The following SMC2 variants were observed in gnomAD, a reference collection of about 807,000 sequenced individuals.
The protein encoded by SMC2 is structural maintenance of chromosomes protein 2.
SMC2 carries 41 observed loss-of-function variants against 142.6 expected under a neutral mutation model. That is an observed-to-expected ratio of 0.29 (90% CI 0.22 to 0.37). The LOEUF is 0.37. Among genes scored for constraint, SMC2 ranks in the 10% least tolerant of loss-of-function variants. The pLI is 1.00. For missense variants in SMC2, 1,265 were observed against 1,373.7 expected, an observed-to-expected ratio of 0.92 and a Z score of 1.25; for synonymous variants, 463 against 457.5, an observed-to-expected ratio of 1.01 and a Z score of -0.15.
At chr9:104,088,521 G>A in the SMC2 span, among the ~76,000 whole-genome samples, 54 of 152,006 alleles carry the variant, frequency 3.6e-4, no homozygotes, top group Admixed American at 3.5e-3. Flanking sequence ...AATACACAAG[G>A]GGGAGAAGTG....
At chr9:104,104,359 C>T (rs1365613225) in intron 9 of SMC2, among the ~76,000 whole-genome samples, 1 of 152,142 alleles carries the variant, frequency 6.6e-6, no homozygotes, top group Non-Finnish European at 1.5e-5. Flanking sequence ...GTCTAGGATT[C>T]ATTGCAAGCT....
intron 14 of SMC2, among the ~76,000 whole-genome samples, chr9:104,117,701 A>C (rs1233881480): frequency 6.6e-6 from 1 of 152,226 alleles, no homozygotes; most frequent in Non-Finnish European, 1.5e-5. Context: ...ATTTTCCAAA[A>C]TTCAAAACTA....
chr9:104,129,319 A>C (rs946233682), intron 20 of SMC2, among the ~76,000 whole-genome samples: 1 of 152,108 alleles, frequency 6.6e-6, no homozygotes, highest in Admixed American at 6.6e-5. Flanking sequence ...CCTGACCAAC[A>C]TGGAGAAACC....
chr9:104,089,605 G>T (rs1460978752), upstream of SMC2, among the ~76,000 whole-genome samples: 1 of 152,068 alleles, frequency 6.6e-6, no homozygotes, highest in East Asian at 1.9e-4. Flanking sequence ...AAAACAGAAA[G>T]AAACGAATAT....
In SMC2 at chr9:104,111,650, G is replaced by A. The variant is rs2131379894; in HGVS notation, c.1090G>A (p.Glu364Lys). The A allele has an allele frequency of 1.2e-6, 2 of 1,614,054 alleles. No homozygotes were observed. The highest frequency in any genetic ancestry group is 2.2e-5 in the South Asian group (2 of 91,088). Residue 364 changes from glutamate (E) to lysine (K), a missense_variant, in exon 10 of 25, where the codon GAA (glutamate) becomes AAA (lysine). Around this residue, in one of 4 missense-constraint regions of SMC2, gnomAD observed 898 missense variants for 904.2 expected, o/e 0.99. Coordinates refer to ENST00000374793, the MANE Select transcript of SMC2 (RefSeq NM_006444.3). ...AACAGATGGACTGCATGCCCTTCAA[G>A]AAGCAAGTAATAAAGATGCTGAAGC... is the stretch of plus-strand genomic sequence containing the variant. Reference protein sequence around the residue: ...KITDGLHALQEASNKDAEALA... With the variant: ...KITDGLHALQKASNKDAEALA...
In SMC2 at chr9:104,100,378, T is replaced by C. The variant is rs200101438; in HGVS notation, c.592-11T>C. ...TACATGCGAAAATACTGATTTTTCTTTATTTTCCAGATACTTGAAGAAGAG... is the reference window on the plus strand; with the variant it reads ...TACATGCGAAAATACTGATTTTTCTCTATTTTCCAGATACTTGAAGAAGAG... On this transcript the variant is annotated splice_polypyrimidine_tract_variant and intron_variant, in intron 6 of 24. Coordinates refer to ENST00000374793, the MANE Select transcript of SMC2 (RefSeq NM_006444.3). 5.3e-5 allele frequency: 81 copies of C among 1,522,784 alleles called. No homozygotes were observed. In the African/African-American group the frequency reaches 9.8e-4, roughly 18 times the overall value. The allele number at this position is 1,522,784 out of a possible 1,614,324, so 94.3% of individuals were successfully genotyped here.
At chr9:104,119,273 G>C (rs973769396) in intron 15 of SMC2, among the ~76,000 whole-genome samples, 43 of 152,318 alleles carry the variant, frequency 2.8e-4, no homozygotes, top group Non-Finnish European at 4.6e-4. Flanking sequence ...TGTTGATTCA[G>C]ATGCTTTTGA....
At chr9:104,121,770 A>G (rs558504681) in intron 16 of SMC2, among the ~76,000 whole-genome samples, 23 of 152,252 alleles carry the variant, frequency 1.5e-4, no homozygotes, top group South Asian at 6.2e-4. Context: ...AGAGATATAA[A>G]TTGAATCAGA....
intron 13 of SMC2, among the ~76,000 whole-genome samples, chr9:104,115,512 TTG>T (rs1564091532): frequency 2.0e-5 from 3 of 151,734 alleles, no homozygotes; most frequent in African/African-American, 7.3e-5. Flanking sequence ...GAAGTGGAGG[TTG>T]CGGTAAGCTG....
At chr9:104,099,552 C>A in intron 4 of SMC2, 92 bp from the exon 5 acceptor site, 1 of 810,618 alleles carries the variant, frequency 1.2e-6, no homozygotes, top group Non-Finnish European at 2.1e-6. Context: ...TATTGAGATA[C>A]AACAGCTTCA....
chr9:104,093,192 T>G (rs996702042), upstream of SMC2: 1 of 152,202 alleles, frequency 6.6e-6, no homozygotes, highest in Non-Finnish European at 1.5e-5. Context: ...ACCATCTTTT[T>G]GAACCTCACT....
intron 22 of SMC2, among the ~76,000 whole-genome samples, chr9:104,132,487 A>G (rs931079230): frequency 6.6e-6 from 1 of 152,110 alleles, no homozygotes; most frequent in African/African-American, 2.4e-5. Context: ...TCTGTCTCCT[A>G]TAGGATAATT....
chr9:104,088,355 A>G, the SMC2 span, among the ~76,000 whole-genome samples: 1 of 152,138 alleles, frequency 6.6e-6, no homozygotes, highest in East Asian at 1.9e-4. Flanking sequence ...TTTATTAAAT[A>G]TCTACTATGT....
chr9:104,094,377 G>C lies in SMC2; in HGVS notation c.-162G>C. 2.5e-6 allele frequency: 1 copy of C among 398,810 alleles called. No homozygotes were observed. Among genetic ancestry groups the C allele is most frequent in the Non-Finnish European group, 4.4e-6 (1 of 226,218 alleles). 24.7% of individuals were successfully genotyped at this position (398,810 alleles called of 1,614,324 possible). A position where few individuals can be genotyped will look rare whatever the true frequency, so the allele number is the denominator to read the frequency against. On this transcript the variant is annotated 5_prime_UTR_variant, in exon 1 of 25. Transcript: ENST00000374793. ...CAGGTGTTGTAGCCGCTATGGTGAA[G>C]TTCGCTTTGTAGCGGCCCCGGCTAG...
chr9:104,113,132 G>GTAGTTTTTTT (rs1379748912), intron 10 of SMC2, among the ~76,000 whole-genome samples, 184 bp from the exon 11 acceptor site: 1 of 151,986 alleles, frequency 6.6e-6, no homozygotes, highest in Non-Finnish European at 1.5e-5. Flanking sequence ...TATACTTTGA[G>GTAGTTTTTTT]TAGTTTTTTG....
chr9:104,092,296 A>G (rs1484647702), upstream of SMC2: 1 of 152,236 alleles, frequency 6.6e-6, no homozygotes, highest in Non-Finnish European at 1.5e-5. Context: ...ACCACCCAGG[A>G]GTCCTTATCC....
intron 9 of SMC2, among the ~76,000 whole-genome samples, chr9:104,110,849 T>G (rs1042918433): frequency 1.3e-5 from 2 of 152,212 alleles, no homozygotes; most frequent in Non-Finnish European, 2.9e-5. Flanking sequence ...ATTGTTCCTA[T>G]CACTCTATTC....
At chr9:104,121,428 C>G (rs567823897) in intron 16 of SMC2, among the ~76,000 whole-genome samples, 3 of 151,878 alleles carry the variant, frequency 2.0e-5, no homozygotes, top group Non-Finnish European at 2.9e-5. Flanking sequence ...CCCTGCAGTT[C>G]GAGGTTGCGG....
upstream of SMC2, among the ~76,000 whole-genome samples, chr9:104,091,904 T>G (rs1829987078): frequency 6.6e-6 from 1 of 152,158 alleles, no homozygotes; most frequent in Non-Finnish European, 1.5e-5. Flanking sequence ...CTCCACTAGC[T>G]GCCAGATTTC....
Sources: gnomAD v4.1 joint callset for allele counts (sites outside exome capture counted in the v4.1 genomes callset) on GRCh38, gnomAD v4.1.1 for gene constraint, gnomAD v4.1.1 regional missense constraint, MANE v1.5 for transcripts, NCBI Gene and HGNC (gene_info 2026-07-23, HGNC 2026-07-21) for gene names.